Variants in CNTNAP2 observed in about 807,000 individuals in gnomAD.
The protein encoded by CNTNAP2 is contactin associated protein 2.
In CNTNAP2, 98 loss-of-function variants were observed where a neutral mutation model predicts 155.2. The ratio of observed to expected loss-of-function variants is 0.63; its 90% CI spans 0.54 to 0.75. The LOEUF (loss-of-function observed/expected upper bound fraction) is 0.75. Among genes scored for constraint, CNTNAP2 ranks in the 30% least tolerant of loss-of-function variants. CNTNAP2 has a pLI of 0.00. For missense variants in CNTNAP2, 1,727 were observed against 1,688.1 expected (o/e 1.02, Z -0.40); for synonymous variants, 651 against 631.2 (o/e 1.03, Z -0.47).
chr7:148,403,846 A>C (rs1470505949), intron 22 of CNTNAP2, among the ~76,000 whole-genome samples: 2 of 151,738 alleles, frequency 1.3e-5, no homozygotes, highest in African/African-American at 4.8e-5. Context: ...CAGCATAAAT[A>C]AATCCAGGAA....
At chr7:147,811,398 T>G (rs79602708) in intron 13 of CNTNAP2, among the ~76,000 whole-genome samples, 4,931 of 152,224 alleles carry the variant, frequency 0.032, 135 homozygotes, top group Non-Finnish European at 0.051. Context: ...ATGCCCAGCC[T>G]ACTACAGTAT....
At chr7:147,472,694 C>A (rs1198158404) in intron 10 of CNTNAP2, among the ~76,000 whole-genome samples, 2 of 152,060 alleles carry the variant, frequency 1.3e-5, no homozygotes, top group Non-Finnish European at 2.9e-5. Flanking sequence ...CAGATTGGAG[C>A]CAGTTTCCAA....
intron 13 of CNTNAP2, among the ~76,000 whole-genome samples, chr7:147,798,311 C>T (rs1797934767): frequency 6.6e-6 from 1 of 152,074 alleles, no homozygotes; most frequent in Admixed American, 6.5e-5. Context: ...AAATTAAATA[C>T]AGTACCAGCT....
At chr7:147,729,529 A>G (rs894730963) in intron 13 of CNTNAP2, among the ~76,000 whole-genome samples, 3 of 149,644 alleles carry the variant, frequency 2.0e-5, no homozygotes, top group Non-Finnish European at 3.0e-5. Flanking sequence ...CTCCTAATTC[A>G]TAGAATTAGG....
At chr7:146,894,561 C>T (rs557524879) in intron 3 of CNTNAP2, among the ~76,000 whole-genome samples, 11 of 152,080 alleles carry the variant, frequency 7.2e-5, no homozygotes, top group East Asian at 3.9e-4. Flanking sequence ...CCCTGTGGTT[C>T]GCCATGAAAA....
intron 12 of CNTNAP2, among the ~76,000 whole-genome samples, chr7:147,596,665 A>G (rs1800832226): frequency 6.6e-6 from 1 of 152,120 alleles, no homozygotes; most frequent in East Asian, 1.9e-4. Context: ...CCTTTGTGTC[A>G]GAGGCATTCA....
rs1362054096 is a variant in CNTNAP2, at chr7:148,283,292, AAAGAAAGAAAGAAAGG to A, written c.3475+16170_3475+16185del. Among the ~76,000 whole-genome samples the A allele has an allele frequency of 2.0e-4, 20 of 97,648 alleles. 1 individual carries two copies. The highest frequency in any genetic ancestry group is 4.5e-4 in the African/African-American group (8 of 17,770). 64.1% of individuals were successfully genotyped at this position (97,648 alleles called of 152,430 possible). A position where few individuals can be genotyped will look rare whatever the true frequency, so the allele number is the denominator to read the frequency against. ...GAAAGAAAGAAAGAAAGAAAGAAAG[AAAGAAAGAAAGAAAGG>A]AAGGAAGGAAGGAAAGAAAGAAAGA... is the stretch of plus-strand genomic sequence containing the variant. On this transcript the variant is annotated intron_variant, in intron 21 of 23. Coordinates refer to ENST00000361727, the MANE Select transcript of CNTNAP2 (RefSeq NM_014141.6).
intron 14 of CNTNAP2, among the ~76,000 whole-genome samples, chr7:147,946,168 T>A (rs567167403): frequency 2.4e-4 from 37 of 152,288 alleles, no homozygotes; most frequent in African/African-American, 8.4e-4. Flanking sequence ...TCTTGACTTC[T>A]TCTAAGGAAG....
intron 9 of CNTNAP2, among the ~76,000 whole-genome samples, chr7:147,321,547 T>C (rs1045499716): frequency 2.6e-5 from 4 of 152,216 alleles, no homozygotes; most frequent in Non-Finnish European, 5.9e-5. Context: ...AGCTTTACTC[T>C]CATCTCAGCC....
chr7:147,886,251 T>A (rs1294702771), intron 13 of CNTNAP2, among the ~76,000 whole-genome samples: 1 of 151,986 alleles, frequency 6.6e-6, no homozygotes, highest in Non-Finnish European at 1.5e-5. Context: ...GACGGGTGGA[T>A]TGCTTGAGGC....
At chr7:147,629,091 G>A (rs1267430692) in intron 12 of CNTNAP2, among the ~76,000 whole-genome samples, 2 of 151,986 alleles carry the variant, frequency 1.3e-5, no homozygotes, top group African/African-American at 4.8e-5. Context: ...TCATCAAGAC[G>A]AGAAGTCAAC....
In CNTNAP2 at chr7:146,918,159, C is replaced by T. The variant is rs143196140; in HGVS notation, c.402+78255C>T. 9.0e-3 allele frequency among the ~76,000 whole-genome samples: 1,369 copies of T among 152,188 alleles called. 13 individuals are homozygous for T. Among genetic ancestry groups the T allele is most frequent in the Non-Finnish European group, 0.014 (978 of 68,004 alleles). ...GCCATTCTGTATCTTTAAAGTGGAG[C>T]ATTTAGGCCATTTACATTCAATATT... On this transcript the variant is annotated intron_variant, in intron 3 of 23. Transcript: ENST00000361727.
At chr7:146,586,620 C>T (rs1401575212) in intron 1 of CNTNAP2, among the ~76,000 whole-genome samples, 1 of 152,170 alleles carries the variant, frequency 6.6e-6, no homozygotes, top group African/African-American at 2.4e-5. Flanking sequence ...TAATCACACA[C>T]ACATAAACAT....
chr7:147,047,199 C>G (rs1799381789), intron 4 of CNTNAP2, among the ~76,000 whole-genome samples: 1 of 143,234 alleles, frequency 7.0e-6, no homozygotes, highest in Non-Finnish European at 1.5e-5. Flanking sequence ...TGCTCTGCCT[C>G]CCGGGTTCAT....
chr7:146,601,135 A>G (rs191365859), intron 1 of CNTNAP2, among the ~76,000 whole-genome samples: 119 of 152,254 alleles, frequency 7.8e-4, no homozygotes, highest in African/African-American at 2.8e-3. Flanking sequence ...TTGCATTATG[A>G]TAAATACTTA....
chr7:147,434,191 A>G (rs1364344751), intron 10 of CNTNAP2, among the ~76,000 whole-genome samples: 1 of 152,172 alleles, frequency 6.6e-6, no homozygotes, highest in Non-Finnish European at 1.5e-5. Context: ...TAGTTGTAGT[A>G]TTCTGTACCA....
intron 10 of CNTNAP2, among the ~76,000 whole-genome samples, chr7:147,433,590 T>C (rs1797500228): frequency 6.6e-6 from 1 of 152,200 alleles, no homozygotes; most frequent in Admixed American, 6.5e-5. Flanking sequence ...GAATTTTATA[T>C]TGGAATGTAA....
At chr7:148,075,539 C>T (rs1803468561) in intron 15 of CNTNAP2, among the ~76,000 whole-genome samples, 1 of 152,194 alleles carries the variant, frequency 6.6e-6, no homozygotes, top group African/African-American at 2.4e-5. Context: ...TTACTCAAGT[C>T]TCTGAAGGAG....
rs187862256 is a variant in CNTNAP2 at position 147,572,057 on chromosome 7, T to C, written c.1897+9800T>C. 4.0e-4 allele frequency among the ~76,000 whole-genome samples: 61 copies of C among 152,356 alleles called. 1 individual carries two copies. In the East Asian group the frequency reaches 0.011, roughly 28 times the overall value. Reference sequence around the variant, plus strand: ...GTTCTTCACAATCAGTATAAATCTTTGAATTCAATTCTGCTCATACAGCTT... The same window carrying C: ...GTTCTTCACAATCAGTATAAATCTTCGAATTCAATTCTGCTCATACAGCTT... On this transcript the variant is annotated intron_variant, in intron 12 of 23. Transcript: ENST00000361727.
Sources: allele counts gnomAD v4.1 joint callset (sites outside exome capture counted in the v4.1 genomes callset), GRCh38; gene constraint gnomAD v4.1.1; transcripts MANE v1.5; gene names NCBI Gene and HGNC (gene_info 2026-07-23, HGNC 2026-07-21).